The following CLTCL1 variants were observed in gnomAD, a reference collection of about 807,000 sequenced individuals.
CLTCL1 encodes clathrin heavy chain like 1.
In CLTCL1, 159 loss-of-function variants were observed where a neutral mutation model predicts 190.0. That is an observed-to-expected ratio of 0.84 (90% CI 0.74 to 0.95). The LOEUF is 0.95. CLTCL1 is among the 40% of genes least tolerant of loss of function. The pLI is 0.00. For missense variants in CLTCL1, 1,878 were observed against 2,033.4 expected (o/e 0.92, Z 1.47); for synonymous variants, 752 against 769.6 (o/e 0.98, Z 0.38).
chr22:19,289,816 C>G (rs1394827523), intron 1 of CLTCL1, among the ~76,000 whole-genome samples: 2 of 152,188 alleles, frequency 1.3e-5, no homozygotes, highest in African/African-American at 2.4e-5. Context: ...ACATCTAAGT[C>G]TGCAGCCATA....
intron 6 of CLTCL1, 129 bp downstream of exon 6, chr22:19,235,567 T>C (rs1211429075): frequency 3.7e-6 from 3 of 817,462 alleles, no homozygotes; most frequent in African/African-American, 3.4e-5. Flanking sequence ...GGAGGAGACA[T>C]GGGTTTAAGT....
At chr22:19,270,524 G>A (rs1325172761) in intron 2 of CLTCL1, among the ~76,000 whole-genome samples, 2 of 151,360 alleles carry the variant, frequency 1.3e-5, no homozygotes, top group African/African-American at 2.4e-5. Flanking sequence ...TCAAGAGATC[G>A]AGACCATCCT....
chr22:19,231,065 A>G (rs1358810429), intron 10 of CLTCL1, among the ~76,000 whole-genome samples: 1 of 152,132 alleles, frequency 6.6e-6, no homozygotes, highest in East Asian at 1.9e-4. Context: ...TTCTCAGGCC[A>G]TTGGCCTCAG....
At chr22:19,247,671 C>T (rs1047180273) in intron 3 of CLTCL1, among the ~76,000 whole-genome samples, 2 of 151,970 alleles carry the variant, frequency 1.3e-5, no homozygotes, top group African/African-American at 4.8e-5. Context: ...GGCGATTCTC[C>T]CGCCTCAGCC....
chr22:19,205,245 C>T (rs1346290533), intron 22 of CLTCL1, among the ~76,000 whole-genome samples: 1 of 152,176 alleles, frequency 6.6e-6, no homozygotes, highest in Non-Finnish European at 1.5e-5. Flanking sequence ...CACAGTGGCT[C>T]ACCCCTGTAA....
intron 2 of CLTCL1, among the ~76,000 whole-genome samples, chr22:19,260,584 T>C (rs1401025096): frequency 6.6e-6 from 1 of 151,928 alleles, no homozygotes; most frequent in East Asian, 1.9e-4. Context: ...GAGATCAGCC[T>C]GACCAACGTG....
At chr22:19,186,679 C>A (rs1555928482) in intron 29 of CLTCL1, among the ~76,000 whole-genome samples, 1 of 152,048 alleles carries the variant, frequency 6.6e-6, no homozygotes, top group African/African-American at 2.4e-5. Flanking sequence ...CCGCTCACTG[C>A]AACCTCCGCC....
At chr22:19,191,234 G>A (rs782588533) in intron 27 of CLTCL1, 70 bp downstream of exon 27, 56 of 1,576,774 alleles carry the variant, frequency 3.6e-5, no homozygotes, top group Non-Finnish European at 4.6e-5. Context: ...TTATAAAGGT[G>A]CTATCATTCA....
At chr22:19,202,514 A>AT (rs113686860) in intron 22 of CLTCL1, among the ~76,000 whole-genome samples, 271 of 4,998 alleles carry the variant, frequency 0.054, 24 homozygotes, top group East Asian at 0.35. Flanking sequence ...TCCTTCCGCC[A>AT]TCACGGCACC....
intron 2 of CLTCL1, chr22:19,258,272 C>T (rs1286886644): frequency 2.8e-6 from 1 of 353,648 alleles, no homozygotes; most frequent in Non-Finnish European, 5.5e-6. Flanking sequence ...TGGCAGATAT[C>T]TGGGCCCAAT....
intron 10 of CLTCL1, among the ~76,000 whole-genome samples, chr22:19,231,640 A>C (rs1306624757): frequency 2.0e-5 from 3 of 152,244 alleles, no homozygotes; most frequent in Non-Finnish European, 4.4e-5. Flanking sequence ...CCTTAGTAAG[A>C]TGTGAAATAC....
chr22:19,245,485 C>G (rs1465284286), intron 3 of CLTCL1, among the ~76,000 whole-genome samples: 4 of 152,100 alleles, frequency 2.6e-5, no homozygotes, highest in Non-Finnish European at 5.9e-5. Context: ...AGCCACCACA[C>G]CTGGCTTCCC....
chr22:19,239,233 AT>A, intron 5 of CLTCL1, 41 bp downstream of exon 5: 1 of 1,479,192 alleles, frequency 6.8e-7, no homozygotes, highest in Non-Finnish European at 9.5e-7. Context: ...GCTAGAGTAG[AT>A]TTTAGGACAT....
At chr22:19,269,003 T>C (rs1353564430) in intron 2 of CLTCL1, among the ~76,000 whole-genome samples, 6 of 151,102 alleles carry the variant, frequency 4.0e-5, no homozygotes, top group African/African-American at 1.5e-4. Context: ...GGCAGGAGAA[T>C]TGCTTGAACC....
chr22:19,235,649 C>T (rs982607334), intron 6 of CLTCL1, 47 bp downstream of exon 6: 4 of 1,568,416 alleles, frequency 2.6e-6, no homozygotes, highest in South Asian at 2.4e-5. Flanking sequence ...AAACGCCAGT[C>T]CCTAATGAAT....
intron 5 of CLTCL1, among the ~76,000 whole-genome samples, chr22:19,238,161 C>T (rs1294498781): frequency 1.3e-5 from 2 of 152,092 alleles, no homozygotes; most frequent in African/African-American, 4.8e-5. Context: ...GTGATCTTGC[C>T]TCACTGCACT....
At chr22:19,270,469 T>C (rs534445348) in intron 2 of CLTCL1, among the ~76,000 whole-genome samples, 19 of 151,206 alleles carry the variant, frequency 1.3e-4, no homozygotes, top group African/African-American at 3.6e-4. Context: ...GGCTCATGCC[T>C]GTAATCCCAG....
At position 19,275,606 on chromosome 22, in the gene CLTCL1, A is replaced by T. The variant is rs782572318; in HGVS notation, c.250+17T>A. On this transcript the variant is annotated intron_variant, in intron 2 of 32. Transcript: ENST00000427926. ...AAATGAGGTAAGATTCCTTTCTAAC[A>T]ATCCCATCGGGTTTACCTTTCAGAG... 9 of 1,580,492 alleles carry T rather than the reference A, an allele frequency of 5.7e-6. No homozygotes were observed. The highest frequency in any genetic ancestry group is 7.8e-6 in the Non-Finnish European group (9 of 1,160,508).
chr22:19,206,166 T>TCC (rs1310309018), intron 22 of CLTCL1, among the ~76,000 whole-genome samples: 2 of 152,160 alleles, frequency 1.3e-5, no homozygotes, highest in African/African-American at 4.8e-5. Context: ...CCTCAAGTGA[T>TCC]CCACCTGCCT....
Sources: gnomAD v4.1 joint callset for allele counts (sites outside exome capture counted in the v4.1 genomes callset) on GRCh38, gnomAD v4.1.1 for gene constraint, MANE v1.5 for transcripts, NCBI Gene and HGNC (gene_info 2026-07-23, HGNC 2026-07-21) for gene names.